PSMD2: variants seen among roughly 807,000 people sequenced by gnomAD.
The protein encoded by PSMD2 is proteasome 26S subunit ubiquitin receptor, non-ATPase 2.
A neutral mutation model predicts 101.5 loss-of-function variants in PSMD2; 8 were observed. That is an observed-to-expected ratio of 0.08 (90% CI 0.05 to 0.14). PSMD2 has a LOEUF of 0.14. Ranked by LOEUF, PSMD2 falls within the 10% of genes least tolerant of loss-of-function variation. The probability of loss-of-function intolerance (pLI) is 1.00; values close to 1 mark genes in which losing one functional copy is unlikely to be tolerated. For synonymous variants in PSMD2, 418 were observed against 433.8 expected (o/e 0.96, Z 0.45); for missense variants, 784 against 1,147.4 (o/e 0.68, Z 4.58).
At chr3:184,302,890 C>G in intron 7 of PSMD2, 67 bp downstream of exon 7, 1 of 1,611,236 alleles carries the variant, frequency 6.2e-7, no homozygotes, top group Non-Finnish European at 8.5e-7. Context: ...ACCTCCCTGA[C>G]TCTACCTCTG....
Position 184,302,663 on chromosome 3 carries a change from C to T in PSMD2, c.864-16C>T, listed in dbSNP as rs1005839245. On this transcript the variant is annotated splice_polypyrimidine_tract_variant and intron_variant, in intron 6 of 20. Coordinates refer to ENST00000310118, the MANE Select transcript of PSMD2 (RefSeq NM_002808.5). ...TAGTGGACAGTGATGAGCAGATGTA[C>T]GGGCTCTCTCCACAGGGTAGTACAG... 41 of 1,613,916 alleles carry T rather than the reference C, an allele frequency of 2.5e-5. No homozygotes were observed. The highest frequency in any genetic ancestry group is 1.3e-4 in the East Asian group (6 of 44,884).
chr3:184,305,546 T>C (rs1721803755), intron 12 of PSMD2, among the ~76,000 whole-genome samples: 1 of 151,458 alleles, frequency 6.6e-6, no homozygotes, highest in Non-Finnish European at 1.5e-5. Context: ...ACCTTGGGGC[T>C]GTCACAAGGG....
At position 184,304,628 on chromosome 3, in the gene PSMD2, A is replaced by AT. The variant is rs1403772024; in HGVS notation, c.1539+238dup. ...AGGCCTGGCACGGTGGCTCGTGCCT[A>AT]TAATCCCAGCACTTTGGGAGGCTGC... On this transcript the variant is annotated intron_variant, in intron 12 of 20. Transcript: ENST00000310118. This position sits in a 1 kb window ranked among gnomAD's most constrained non-coding sequence, Gnocchi z 4.1. 2.6e-5 allele frequency among the ~76,000 whole-genome samples: 4 copies of AT among 152,132 alleles called. No individual in the cohort carries two copies. The East Asian group carries it at 7.7e-4, about 29-fold the overall frequency.
chr3:184,302,323 T>C lies in PSMD2; in HGVS notation c.705-47T>C, dbSNP rs776142775. On this transcript the variant is annotated intron_variant, in intron 5 of 20. Coordinates refer to ENST00000310118, the MANE Select transcript of PSMD2 (RefSeq NM_002808.5). ...TGGGTAAGTGAATTCATGGGGAAAA[T>C]GAGTGCCTGGGACTTTCTGAATTCT... 5.7e-6 allele frequency: 9 copies of C among 1,582,148 alleles called. No homozygotes were observed. In the South Asian group the frequency reaches 1.0e-4, roughly 18 times the overall value.
chr3:184,302,709 A>T lies in PSMD2; in HGVS notation c.894A>T (p.Leu298=), dbSNP rs1226603545. The T allele has an allele frequency of 6.2e-7, 1 of 1,614,124 alleles. No homozygotes were observed. Among genetic ancestry groups the T allele is most frequent in the Non-Finnish European group, 8.5e-7 (1 of 1,180,032 alleles). ...VVVQKQMAFM[L]GRHGVFLELS... ...TACAGAAACAGATGGCATTCATGCT[A>T]GGCCGGCATGGGGTGTTCCTGGAGC... is the stretch of plus-strand genomic sequence containing the variant. Residue 298 remains leucine, a synonymous_variant, in exon 7 of 21, where the codon CTA becomes CTT. Coordinates refer to ENST00000310118, the MANE Select transcript of PSMD2 (RefSeq NM_002808.5).
rs1343707904 is a variant in PSMD2, at chr3:184,306,378, G to C, written c.1833G>C (p.Gln611His). The C allele has an allele frequency of 6.2e-7, 1 of 1,614,198 alleles. No homozygotes were observed. Among genetic ancestry groups the C allele is most frequent in the Non-Finnish European group, 8.5e-7 (1 of 1,180,036 alleles). ...CTGGGAATGTGCTGAAGGTGCAGCA[G>C]CTGCTCCACATTTGTAGCGAACACT... ...AGSGNVLKVQ[Q>H]LLHICSEHFD... Residue 611 changes from glutamine to histidine, a missense_variant, in exon 15 of 21, where the codon CAG (glutamine) becomes CAC (histidine). Around this residue, in one of 6 missense-constraint regions of PSMD2, gnomAD observed 282 missense variants for 437.6 expected, o/e 0.64. Coordinates refer to ENST00000310118, the MANE Select transcript of PSMD2 (RefSeq NM_002808.5).
chr3:184,305,321 T>G (rs562284833), intron 12 of PSMD2, among the ~76,000 whole-genome samples: 1 of 152,240 alleles, frequency 6.6e-6, no homozygotes, highest in African/African-American at 2.4e-5. Context: ...AAACCCTGTC[T>G]CTATTAAAAA....
chr3:184,299,400 TGG>T lies in PSMD2; in HGVS notation c.135_135+1del. ...GGGGACAAGGACAAAGAACAGGAGC[TGG>T]TGAGGCGCGACCCCGAGAGTCGGCG... On this transcript the variant is annotated splice_donor_variant and coding_sequence_variant, in exon 1 of 21. Coordinates refer to ENST00000310118, the MANE Select transcript of PSMD2 (RefSeq NM_002808.5). LOFTEE classifies it high-confidence loss of function. 7.4e-7 allele frequency: 1 copy of T among 1,353,780 alleles called. No individual in the cohort carries two copies. Among genetic ancestry groups the T allele is most frequent in the Non-Finnish European group, 9.5e-7 (1 of 1,053,446 alleles). 83.9% of individuals were successfully genotyped at this position (1,353,780 alleles called of 1,614,324 possible).
rs939804772 is a variant in PSMD2 at position 184,301,957 on chromosome 3, C to A, written c.590C>A (p.Ala197Asp). ...LVKEIVPYNMAHNAEHEACDL... is the reference protein window; with the variant it reads ...LVKEIVPYNMDHNAEHEACDL... ...AAGGAAATCGTCCCCTATAACATGG[C>A]CCACAATGCAGAGCATGAGGCTTGC... Residue 197 changes from alanine to aspartate, a missense_variant, in exon 5 of 21, where the codon GCC becomes GAC. Around this residue, in one of 6 missense-constraint regions of PSMD2, gnomAD observed 208 missense variants for 301.6 expected, o/e 0.69. Transcript: ENST00000310118. 1 of 1,614,108 alleles carries A rather than the reference C, an allele frequency of 6.2e-7. No homozygotes were observed. The highest frequency in any genetic ancestry group is 1.3e-5 in the African/African-American group (1 of 74,934).
intron 8 of PSMD2, 128 bp from the exon 9 acceptor site, chr3:184,303,192 C>T: frequency 6.7e-7 from 1 of 1,495,332 alleles, no homozygotes; most frequent in East Asian, 2.3e-5. Flanking sequence ...CAGGTCACTG[C>T]TTGGGGGGGT....
In PSMD2 at chr3:184,300,307, G is replaced by C; in HGVS notation, c.220G>C (p.Ala74Pro). 1 of 1,613,952 alleles carries C rather than the reference G, an allele frequency of 6.2e-7. No individual in the cohort carries two copies. Among genetic ancestry groups the C allele is most frequent in the South Asian group, 1.1e-5 (1 of 91,074 alleles). ...GAAGGATACATCCCTGTATCGACCA[G>C]CGCTGGAGGAATTGCGAAGGCAGAT... is the stretch of plus-strand genomic sequence containing the variant. Reference protein sequence around the residue: ...GEKDTSLYRPALEELRRQIRS... With the variant: ...GEKDTSLYRPPLEELRRQIRS... The change falls in exon 3 of 21, where the codon GCG becomes CCG. Residue 74 changes from alanine to proline, a missense_variant. Physicochemically the swap from Ala to Pro is conservative, Grantham distance 27. Coordinates refer to ENST00000310118, the MANE Select transcript of PSMD2 (RefSeq NM_002808.5).
rs778810514 is a variant in PSMD2 at position 184,302,491 on chromosome 3, G to C, written c.826G>C (p.Glu276Gln). 1.3e-5 allele frequency: 21 copies of C among 1,614,062 alleles called. No homozygotes were observed. The highest frequency in any genetic ancestry group is 3.4e-6 in the Non-Finnish European group (4 of 1,180,052). ...LRLALMLNDMELVEDIFTSCK... is the reference protein window; with the variant it reads ...LRLALMLNDMQLVEDIFTSCK... ...ATTGGCATTGATGCTCAATGACATGGAGTTGGTAGAAGACATCTTCACCTC... is the reference window on the plus strand; with the variant it reads ...ATTGGCATTGATGCTCAATGACATGCAGTTGGTAGAAGACATCTTCACCTC... The change falls in exon 6 of 21, where the codon GAG becomes CAG. Residue 276 changes from glutamate (E) to glutamine (Q), a missense_variant. By Grantham distance (29) the Glu-to-Gln change is conservative. Transcript: ENST00000310118.
In PSMD2 at chr3:184,308,214, A is replaced by G. The variant is rs939804606; in HGVS notation, c.2425+198A>G. 1.3e-5 allele frequency among the ~76,000 whole-genome samples: 2 copies of G among 152,162 alleles called. No homozygotes were observed. Among genetic ancestry groups the G allele is most frequent in the East Asian group, 1.9e-4 (1 of 5,192 alleles). ...TCTGGCCCAAAGAGATTTGAGGGTGATGTGCCCAGCGTCTGCTCCTAAGTC... is the reference window on the plus strand; with the variant it reads ...TCTGGCCCAAAGAGATTTGAGGGTGGTGTGCCCAGCGTCTGCTCCTAAGTC... On this transcript the variant is annotated intron_variant, in intron 19 of 20. Transcript: ENST00000310118. This position sits in a 1 kb window ranked among gnomAD's most constrained non-coding sequence, Gnocchi z 6.0.
Position 184,308,487 on chromosome 3 carries a change from G to A in PSMD2, c.2464G>A (p.Val822Met). 1 of 1,612,520 alleles carries A rather than the reference G, an allele frequency of 6.2e-7. No homozygotes were observed. The highest frequency in any genetic ancestry group is 8.5e-7 in the Non-Finnish European group (1 of 1,179,892). The change falls in exon 20 of 21, where the codon GTG becomes ATG. Residue 822 changes from valine (V) to methionine (M), a missense_variant. Val to Met is a conservative substitution (Grantham distance 21). This residue lies in a region of PSMD2 where 28 missense variants were observed against 80.8 expected (regional missense o/e 0.35). Transcript: ENST00000310118. This position sits in a 1 kb window ranked among gnomAD's most constrained non-coding sequence, Gnocchi z 6.0. ...GKSHYVLYGL[V>M]AAMQPRMLVT... ...ATCACACTATGTATTGTATGGGCTG[G>A]TGGCTGCCATGCAGCCCCGAATGCT...
chr3:184,302,937 G>A, intron 7 of PSMD2, 65 bp from the exon 8 acceptor site: 1 of 1,608,390 alleles, frequency 6.2e-7, no homozygotes, highest in Non-Finnish European at 8.5e-7. Flanking sequence ...CATTCAGTGG[G>A]ATAGCAGAAG....
At position 184,308,029 on chromosome 3, in the gene PSMD2, C is replaced by A; in HGVS notation, c.2425+13C>A. On this transcript the variant is annotated intron_variant, in intron 19 of 20. Coordinates refer to ENST00000310118, the MANE Select transcript of PSMD2 (RefSeq NM_002808.5). The surrounding 1 kb of genome is among the most constrained non-coding windows in gnomAD (Gnocchi z 6.0). ...GATGTTCGAAACAGTGAGTTCCTGT[C>A]AGAAATTTTATATCATAGCATGCAG... 1.2e-6 allele frequency: 2 copies of A among 1,613,528 alleles called. No individual in the cohort carries two copies. The highest frequency in any genetic ancestry group is 2.2e-5 in the South Asian group (2 of 91,056).
At position 184,306,431 on chromosome 3, in the gene PSMD2, A is replaced by G. The variant is rs777857217; in HGVS notation, c.1886A>G (p.Lys629Arg). Reference sequence around the variant, plus strand: ...GACTCCAAAGAGAAGGAGGAAGACAAAGACAAGAAGGAAAAGAAAGACAAG... The same window carrying G: ...GACTCCAAAGAGAAGGAGGAAGACAGAGACAAGAAGGAAAAGAAAGACAAG... ...HFDSKEKEEDKDKKEKKDKDK... is the reference protein window; with the variant it reads ...HFDSKEKEEDRDKKEKKDKDK... Residue 629 changes from lysine (K) to arginine (R), a missense_variant, in exon 15 of 21, where the codon AAA (lysine) becomes AGA (arginine). Around this residue, in one of 6 missense-constraint regions of PSMD2, gnomAD observed 282 missense variants for 437.6 expected, o/e 0.64. Coordinates refer to ENST00000310118, the MANE Select transcript of PSMD2 (RefSeq NM_002808.5). 9 of 1,614,222 alleles carry G rather than the reference A, an allele frequency of 5.6e-6. No individual in the cohort carries two copies. The highest frequency in any genetic ancestry group is 6.8e-6 in the Non-Finnish European group (8 of 1,180,034).
In PSMD2 at chr3:184,304,533, A is replaced by C; in HGVS notation, c.1539+142A>C. ...CTGTTGGTGTGTATTGAGGGGCGTC[A>C]CCTCAGTGAAACCCCTTGATCTGGG... On this transcript the variant is annotated intron_variant, in intron 12 of 20. Transcript: ENST00000310118. This position sits in a 1 kb window ranked among gnomAD's most constrained non-coding sequence, Gnocchi z 4.1. The C allele has an allele frequency of 3.7e-6, 3 of 812,620 alleles. No individual in the cohort carries two copies. Among genetic ancestry groups the C allele is most frequent in the Non-Finnish European group, 6.0e-6 (3 of 498,014 alleles). The allele number at this position is 812,620 out of a possible 1,614,324, so 50.3% of individuals were successfully genotyped here.
At chr3:184,300,217 T>A (rs1721595468) in intron 2 of PSMD2, 63 bp from the exon 3 acceptor site, 1 of 1,458,204 alleles carries the variant, frequency 6.9e-7, no homozygotes, top group Admixed American at 2.0e-5. Context: ...GTTAAATATC[T>A]CTGTATTATG....
Sources: allele counts gnomAD v4.1 joint callset (sites outside exome capture counted in the v4.1 genomes callset), GRCh38; gene constraint gnomAD v4.1.1; regional missense constraint gnomAD v4.1.1; non-coding constraint Gnocchi (gnomAD v3.1); transcripts MANE v1.5; gene names NCBI Gene and HGNC (gene_info 2026-07-23, HGNC 2026-07-21).